Variants in PLXNB1 observed in about 807,000 individuals in gnomAD.
PLXNB1 encodes plexin-B1.
A neutral mutation model predicts 209.4 loss-of-function variants in PLXNB1; 106 were observed. The observed-to-expected ratio is 0.51, with a 90% CI of 0.43 to 0.59. The LOEUF is 0.59. PLXNB1 is among the 20% of genes least tolerant of loss of function. The pLI is 0.00. For synonymous variants in PLXNB1, 1,167 were observed against 1,183.2 expected (o/e 0.99, Z 0.28); for missense variants, 2,357 against 2,853.2 (o/e 0.83, Z 3.96).
chr3:48,412,279 G>T lies in PLXNB1; in HGVS notation c.5059C>A (p.Leu1687Ile). The change falls in exon 27 of 38, where the codon CTC (leucine) becomes ATC (isoleucine). Residue 1687 changes from leucine to isoleucine, a missense_variant. By Grantham distance (5) the Leu-to-Ile change is conservative. Transcript: ENST00000296440. Reference sequence around the variant, plus strand: ...AGACAGATGGACATCCAGTTGGTGAGCAGCTTCTCCACCACAGTCTCTGTC... The same window carrying T: ...AGACAGATGGACATCCAGTTGGTGATCAGCTTCTCCACCACAGTCTCTGTC... Reference protein sequence around the residue: ...RRTETVVEKLLTNWMSICLYT... With the variant: ...RRTETVVEKLITNWMSICLYT... The T allele has an allele frequency of 6.2e-7, 1 of 1,614,114 alleles. No homozygotes were observed.
chr3:48,409,512 G>T lies in PLXNB1; in HGVS notation c.5940-36C>A, dbSNP rs201794206. On this transcript the variant is annotated intron_variant, in intron 33 of 37. Transcript: ENST00000296440. This position sits in a 1 kb window ranked among gnomAD's most constrained non-coding sequence, Gnocchi z 5.8. ...GGCAGGCATGGCCGATGAATGTGCTGGGGAGGCAGAAGAGAAGACCCCCCA... is the reference window on the plus strand; with the variant it reads ...GGCAGGCATGGCCGATGAATGTGCTTGGGAGGCAGAAGAGAAGACCCCCCA... 128 of 1,613,902 alleles carry T rather than the reference G, an allele frequency of 7.9e-5. No homozygotes were observed. The highest frequency in any genetic ancestry group is 1.0e-4 in the Non-Finnish European group (123 of 1,179,968).
In PLXNB1 at chr3:48,419,130, C is replaced by A; in HGVS notation, c.2833-91G>T. 3.8e-6 allele frequency: 6 copies of A among 1,579,488 alleles called. No individual in the cohort carries two copies. Among genetic ancestry groups the A allele is most frequent in the Non-Finnish European group, 5.2e-6 (6 of 1,157,820 alleles). On this transcript the variant is annotated intron_variant, in intron 12 of 37. Coordinates refer to ENST00000296440, the MANE Select transcript of PLXNB1 (RefSeq NM_001130082.3). This position sits in a 1 kb window ranked among gnomAD's most constrained non-coding sequence, Gnocchi z 5.7. ...CCCAACAGATCCCCCAGCACAGCTT[C>A]TGGGTTGGAGTTGAGCCCTCGGACT...
At chr3:48,420,597 C>T in intron 10 of PLXNB1, 68 bp downstream of exon 10, 1 of 1,270,428 alleles carries the variant, frequency 7.9e-7, no homozygotes, top group Non-Finnish European at 1.1e-6. Context: ...GACCCCGGGC[C>T]ATGAGAAAAA....
chr3:48,423,024 T>G, intron 3 of PLXNB1, 77 bp from the exon 4 acceptor site: 1 of 1,311,384 alleles, frequency 7.6e-7, no homozygotes, highest in Non-Finnish European at 1.1e-6. Context: ...ACAACCTCAT[T>G]CCCTCCCCCA....
intron 34 of PLXNB1, among the ~76,000 whole-genome samples, chr3:48,407,455 T>C (rs2037385074): frequency 6.6e-6 from 1 of 152,068 alleles, no homozygotes; most frequent in Admixed American, 6.5e-5. Flanking sequence ...ACCCAGAACA[T>C]TACCTAAGCG....
chr3:48,408,611 T>C (rs962951528), intron 34 of PLXNB1, among the ~76,000 whole-genome samples: 1 of 152,060 alleles, frequency 6.6e-6, no homozygotes, highest in Non-Finnish European at 1.5e-5. Context: ...TGACACTCCA[T>C]GAACTCTCTT....
At chr3:48,408,539 C>T (rs764048248) in intron 34 of PLXNB1, among the ~76,000 whole-genome samples, 3 of 152,110 alleles carry the variant, frequency 2.0e-5, no homozygotes, top group Admixed American at 6.6e-5. Context: ...TGCTCCCGGA[C>T]GGCTCCAACT....
At chr3:48,427,175 A>C (rs568459615) in intron 1 of PLXNB1, among the ~76,000 whole-genome samples, 10 of 152,276 alleles carry the variant, frequency 6.6e-5, no homozygotes, top group African/African-American at 2.2e-4. Context: ...GGAGATGAAA[A>C]AATGGTTAAA....
At chr3:48,422,996 C>T (rs778511156) in intron 3 of PLXNB1, 49 bp from the exon 4 acceptor site, 28 of 1,536,452 alleles carry the variant, frequency 1.8e-5, no homozygotes, top group East Asian at 6.8e-5. Flanking sequence ...ATAACCTCCT[C>T]GGCCGCATCG....
chr3:48,426,198 C>A (rs1352653135), intron 1 of PLXNB1, among the ~76,000 whole-genome samples: 1 of 152,218 alleles, frequency 6.6e-6, no homozygotes, highest in African/African-American at 2.4e-5. Flanking sequence ...AGGTGCCATG[C>A]CTGGCTGTTC....
intron 3 of PLXNB1, 103 bp downstream of exon 3, chr3:48,423,402 G>T: frequency 7.9e-7 from 1 of 1,269,738 alleles, no homozygotes; most frequent in Non-Finnish European, 1.1e-6. Flanking sequence ...TCATCCTCGT[G>T]CTACCACCAG....
At position 48,411,071 on chromosome 3, in the gene PLXNB1, G is replaced by A. The variant is rs774095196; in HGVS notation, c.5248-35C>T. ...ACACACAGGAGCCATCAGGGTTCAT[G>A]TGCACTCAGGATGACCAAGACACAG... On this transcript the variant is annotated intron_variant, in intron 28 of 37. Coordinates refer to ENST00000296440, the MANE Select transcript of PLXNB1 (RefSeq NM_001130082.3). The surrounding 1 kb of genome is among the most constrained non-coding windows in gnomAD (Gnocchi z 4.0). 1.3e-6 allele frequency: 2 copies of A among 1,583,316 alleles called. No homozygotes were observed. Among genetic ancestry groups the A allele is most frequent in the South Asian group, 1.1e-5 (1 of 88,236 alleles).
intron 6 of PLXNB1, 142 bp downstream of exon 6, chr3:48,421,963 A>G (rs906312324): frequency 9.9e-5 from 130 of 1,315,622 alleles, no homozygotes; most frequent in Middle Eastern, 8.7e-4. Context: ...TGCCCAGTGC[A>G]GAGGATGGGG....
rs1186420204 is a variant in PLXNB1 at position 48,424,486 on chromosome 3, G to T, written c.126C>A (p.Pro42=). The change falls in exon 3 of 38, where the codon CCC becomes CCA. Residue 42 remains proline (P), a synonymous_variant. Coordinates refer to ENST00000296440, the MANE Select transcript of PLXNB1 (RefSeq NM_001130082.3). ...CCCCCAGGTAGAGGGTGCCTGAGGT[G>T]GGGTCCCTTGCCAGGTGCTGCAGAT... ...GTYLQHLARD[P]TSGTLYLGAT... is the part of the protein sequence containing the mutation. 6.2e-7 allele frequency: 1 copy of T among 1,603,236 alleles called. No individual in the cohort carries two copies. Among genetic ancestry groups the T allele is most frequent in the Non-Finnish European group, 8.5e-7 (1 of 1,174,964 alleles).
chr3:48,423,477 G>A (rs773632606), intron 3 of PLXNB1, 28 bp downstream of exon 3: 37 of 1,597,626 alleles, frequency 2.3e-5, no homozygotes, highest in Admixed American at 1.2e-4. Flanking sequence ...TCAGAGAGGC[G>A]GAAAAGTGGG....
At position 48,415,190 on chromosome 3, in the gene PLXNB1, A is replaced by G. The variant is rs764358646; in HGVS notation, c.3952T>C (p.Cys1318Arg). The G allele has an allele frequency of 4.3e-6, 7 of 1,612,778 alleles. No homozygotes were observed. The highest frequency in any genetic ancestry group is 5.9e-6 in the Non-Finnish European group (7 of 1,179,418). Residue 1318 changes from cysteine (C) to arginine (R), a missense_variant, in exon 20 of 38, where the codon TGC becomes CGC. Around this residue, in one of 7 missense-constraint regions of PLXNB1, gnomAD observed 743 missense variants for 896.2 expected, o/e 0.83. Transcript: ENST00000296440. This position sits in a 1 kb window ranked among gnomAD's most constrained non-coding sequence, Gnocchi z 5.0. Reference protein sequence around the residue: ...PETACSLGPSCSSQQFEEPCH... With the variant: ...PETACSLGPSRSSQQFEEPCH... ...GGGTGTCCTACTTGCTGGCTACTGC[A>G]GGAGGGTCCAAGGGAACATGCCGTC...
chr3:48,419,508 A>C lies in PLXNB1; in HGVS notation c.2709+69T>G. 6.6e-7 allele frequency: 1 copy of C among 1,521,958 alleles called. No individual in the cohort carries two copies. Among genetic ancestry groups the C allele is most frequent in the Non-Finnish European group, 8.9e-7 (1 of 1,123,776 alleles). The allele number at this position is 1,521,958 out of a possible 1,614,324, so 94.3% of individuals were successfully genotyped here. ...CACCTCCTCCCAGTGCAGAATCACA[A>C]GGCAAGCTAGGGGTAGCATCTTCCC... is the stretch of plus-strand genomic sequence containing the variant. On this transcript the variant is annotated intron_variant, in intron 11 of 37. Coordinates refer to ENST00000296440, the MANE Select transcript of PLXNB1 (RefSeq NM_001130082.3). This position sits in a 1 kb window ranked among gnomAD's most constrained non-coding sequence, Gnocchi z 5.7.
At chr3:48,421,874 C>T (rs745865356) in intron 6 of PLXNB1, 68 bp from the exon 7 acceptor site, 179 of 1,547,808 alleles carry the variant, frequency 1.2e-4, no homozygotes, top group Non-Finnish European at 1.2e-4. Context: ...GGTAGGGACT[C>T]CTACAATCTG....
Position 48,406,905 on chromosome 3 carries a change from G to A in PLXNB1, c.6153-7C>T. 1 of 1,613,198 alleles carries A rather than the reference G, an allele frequency of 6.2e-7. No individual in the cohort carries two copies. The highest frequency in any genetic ancestry group is 8.5e-7 in the Non-Finnish European group (1 of 1,179,472). On this transcript the variant is annotated splice_polypyrimidine_tract_variant and splice_region_variant and intron_variant, in intron 35 of 37. Transcript: ENST00000296440. The surrounding 1 kb of genome is among the most constrained non-coding windows in gnomAD (Gnocchi z 4.4). The stretch of plus-strand genomic sequence containing the variant: ...TCTGATGTCTGCATAGTACCTGCCA[G>A]AGAGCCAGGGCACAGCAGCTGCTGG...
Sources: gnomAD v4.1 joint callset for allele counts (sites outside exome capture counted in the v4.1 genomes callset) on GRCh38, gnomAD v4.1.1 for gene constraint, gnomAD v4.1.1 regional missense constraint, Gnocchi (gnomAD v3.1) non-coding constraint, MANE v1.5 for transcripts, NCBI Gene and HGNC (gene_info 2026-07-23, HGNC 2026-07-21) for gene names.